The following PRKCA variants were observed in gnomAD, a reference collection of about 807,000 sequenced individuals.
PRKCA encodes the protein protein kinase C alpha, also known as protein kinase C alpha type.
PRKCA carries 27 observed loss-of-function variants against 87.0 expected under a neutral mutation model. The ratio of observed to expected loss-of-function variants is 0.31; its 90% CI spans 0.23 to 0.43. The LOEUF is 0.43. PRKCA is among the 20% of genes least tolerant of loss of function. The pLI, the probability that PRKCA is intolerant of heterozygous loss-of-function variation, is 1.00. For missense variants in PRKCA, 518 were observed against 852.3 expected (o/e 0.61, Z 4.88); for synonymous variants, 329 against 311.1 (o/e 1.06, Z -0.61).
At chr17:66,559,710 AATTT>A (rs1968624284) in intron 3 of PRKCA, among the ~76,000 whole-genome samples, 1 of 152,026 alleles carries the variant, frequency 6.6e-6, no homozygotes, top group Admixed American at 6.6e-5. Context: ...TTTCAGAACT[AATTT>A]ATTTAAGGAT....
At chr17:66,431,001 GTGAAACTGC>G (rs2143830855) in intron 2 of PRKCA, among the ~76,000 whole-genome samples, 1 of 152,282 alleles carries the variant, frequency 6.6e-6, no homozygotes, top group Non-Finnish European at 1.5e-5. Context: ...GCTTCATGGG[GTGAAACTGC>G]TTTCTGAAAG....
chr17:66,776,924 C>T (rs1331691414), intron 14 of PRKCA, among the ~76,000 whole-genome samples: 2 of 152,176 alleles, frequency 1.3e-5, no homozygotes, highest in Non-Finnish European at 2.9e-5. Flanking sequence ...AGTCAGATGT[C>T]CTAGAAGGTG....
intron 2 of PRKCA, among the ~76,000 whole-genome samples, chr17:66,452,896 C>T (rs1346423533): frequency 6.6e-6 from 1 of 152,198 alleles, no homozygotes; most frequent in Non-Finnish European, 1.5e-5. Context: ...AAACAAAACA[C>T]ATAACTAGAA....
chr17:66,531,151 T>G (rs1321412507), intron 3 of PRKCA, among the ~76,000 whole-genome samples: 1 of 152,178 alleles, frequency 6.6e-6, no homozygotes, highest in Admixed American at 6.5e-5. Flanking sequence ...AGCACAGGGC[T>G]TCAGGAAAGC....
At chr17:66,571,559 C>T (rs1421010480) in intron 3 of PRKCA, among the ~76,000 whole-genome samples, 1 of 152,034 alleles carries the variant, frequency 6.6e-6, no homozygotes, top group Non-Finnish European at 1.5e-5. Context: ...AGAAGAAATA[C>T]TGTATACTTA....
At chr17:66,800,614 G>A (rs1975878865) in intron 16 of PRKCA, among the ~76,000 whole-genome samples, 2 of 152,122 alleles carry the variant, frequency 1.3e-5, no homozygotes, top group Admixed American at 1.3e-4. Context: ...TTTTTCCTTG[G>A]CAGTAAAGCC....
chr17:66,469,479 G>A (rs921943673), intron 2 of PRKCA, among the ~76,000 whole-genome samples: 15 of 152,126 alleles, frequency 9.9e-5, no homozygotes, highest in African/African-American at 3.6e-4. Context: ...ATAGCACTTT[G>A]GTGAAAATGG....
intron 3 of PRKCA, among the ~76,000 whole-genome samples, chr17:66,609,077 C>T (rs1057397334): frequency 2.0e-5 from 3 of 152,202 alleles, no homozygotes; most frequent in African/African-American, 7.2e-5. Context: ...AAGCCCTTAA[C>T]TCCTCATGGC....
chr17:66,726,523 G>A lies in PRKCA; in HGVS notation c.919-6165G>A, dbSNP rs191842447. On this transcript the variant is annotated intron_variant, in intron 8 of 16. Transcript: ENST00000413366. ...CTGTGGAGGATGACTGTGAACAGCAGAAGAGGGAAGGGCGGAGCTGGCGTC... is the reference window on the plus strand; with the variant it reads ...CTGTGGAGGATGACTGTGAACAGCAAAAGAGGGAAGGGCGGAGCTGGCGTC... Among the ~76,000 whole-genome samples, 34 of 152,318 alleles carry A rather than the reference G, an allele frequency of 2.2e-4. 1 individual carries two copies. The East Asian group carries it at 3.9e-3, about 17-fold the overall frequency.
chr17:66,425,344 G>A (rs997773614), intron 2 of PRKCA, among the ~76,000 whole-genome samples: 30 of 151,904 alleles, frequency 2.0e-4, no homozygotes, highest in African/African-American at 7.3e-4. Context: ...TGATCGCACT[G>A]CTCAGGCTTA....
At chr17:66,681,546 C>T (rs920031215) in intron 5 of PRKCA, among the ~76,000 whole-genome samples, 4 of 152,296 alleles carry the variant, frequency 2.6e-5, no homozygotes, top group South Asian at 4.1e-4. Flanking sequence ...CTTACTTTGT[C>T]CTGGGTTCTC....
chr17:66,749,704 C>T (rs1974387355), intron 13 of PRKCA, among the ~76,000 whole-genome samples: 1 of 152,192 alleles, frequency 6.6e-6, no homozygotes, highest in African/African-American at 2.4e-5. Context: ...TGCCTGCACG[C>T]TGCGCTCCTG....
chr17:66,525,730 C>T (rs1967325313), intron 3 of PRKCA, among the ~76,000 whole-genome samples: 1 of 152,122 alleles, frequency 6.6e-6, no homozygotes, highest in Non-Finnish European at 1.5e-5. Flanking sequence ...TGATGAAAGT[C>T]ATGACTCAGT....
At position 66,804,405 on chromosome 17, in the gene PRKCA, AG is replaced by A. The variant is rs1375707464; in HGVS notation, c.*369del. 1 of 166,122 alleles carries A rather than the reference AG, an allele frequency of 6.0e-6. No homozygotes were observed. The highest frequency in any genetic ancestry group is 1.7e-4 in the East Asian group (1 of 5,844). 10.3% of individuals were successfully genotyped at this position (166,122 alleles called of 1,614,324 possible). A position where few individuals can be genotyped will look rare whatever the true frequency, so the allele number is the denominator to read the frequency against. On this transcript the variant is annotated 3_prime_UTR_variant, in exon 17 of 17. Transcript: ENST00000413366. ...TTTTCAGCATTGGAATCCCCCAACC[AG>A]AGATGTTAAAGTGAGCCTGTCCCAG...
intron 8 of PRKCA, among the ~76,000 whole-genome samples, chr17:66,717,274 C>T (rs1363919270): frequency 6.6e-6 from 1 of 152,206 alleles, no homozygotes; most frequent in Non-Finnish European, 1.5e-5. Flanking sequence ...CTCCTTTACT[C>T]ACTTTTGCAG....
intron 3 of PRKCA, among the ~76,000 whole-genome samples, chr17:66,605,580 C>G (rs1970181082): frequency 6.6e-6 from 1 of 152,172 alleles, no homozygotes; most frequent in Non-Finnish European, 1.5e-5. Flanking sequence ...TAAGACCCAA[C>G]AATTCCTCTT....
At chr17:66,461,629 T>C (rs1914858931) in intron 2 of PRKCA, among the ~76,000 whole-genome samples, 1 of 152,184 alleles carries the variant, frequency 6.6e-6, no homozygotes, top group East Asian at 1.9e-4. Flanking sequence ...CACTAAGTGG[T>C]AAAAATGATG....
intron 3 of PRKCA, chr17:66,640,948 G>A (rs561801208): frequency 2.2e-4 from 80 of 361,180 alleles, no homozygotes; most frequent in African/African-American, 1.7e-3. Flanking sequence ...ATCACCTGAG[G>A]TCAGGAGTTC....
chr17:66,560,239 A>C (rs996968198), intron 3 of PRKCA, among the ~76,000 whole-genome samples: 1 of 133,262 alleles, frequency 7.5e-6, no homozygotes, highest in Non-Finnish European at 1.5e-5. Context: ...TTAAATCAGG[A>C]ATAAAAAAAA....
Sources: allele counts gnomAD v4.1 joint callset (sites outside exome capture counted in the v4.1 genomes callset), GRCh38; gene constraint gnomAD v4.1.1; transcripts MANE v1.5; gene names NCBI Gene and HGNC (gene_info 2026-07-23, HGNC 2026-07-21).